Variants in KCNJ1 observed in about 807,000 individuals in gnomAD.
KCNJ1 encodes ATP-sensitive inward rectifier potassium channel 1.
Under a neutral mutation model 21.9 loss-of-function variants are expected in KCNJ1, and 24 were observed. That is an observed-to-expected ratio of 1.10 (90% CI 0.79 to 1.54). The LOEUF (loss-of-function observed/expected upper bound fraction) is 1.54, where lower values mean the gene tolerates loss of function less well. Among genes scored for constraint, KCNJ1 ranks in the 40% most tolerant of loss-of-function variants. The pLI, the probability that KCNJ1 is intolerant of heterozygous loss-of-function variation, is 0.00. For missense variants in KCNJ1, 457 were observed against 455.4 expected, an observed-to-expected ratio of 1.00 and a Z score of -0.03; for synonymous variants, 152 against 160.9, an observed-to-expected ratio of 0.94 and a Z score of 0.42.
chr11:128,846,509 A>T (rs1398124961), intron 2 of KCNJ1, among the ~76,000 whole-genome samples: 3 of 152,172 alleles, frequency 2.0e-5, no homozygotes, highest in African/African-American at 7.2e-5. Flanking sequence ...CGTGAGAGTG[A>T]TGAAGGTTCT....
intron 1 of KCNJ1, among the ~76,000 whole-genome samples, chr11:128,852,747 G>A (rs369076596): frequency 3.9e-5 from 6 of 152,238 alleles, no homozygotes; most frequent in South Asian, 2.1e-4. Flanking sequence ...GACACTGCCC[G>A]GGAGACTTCC....
At chr11:128,852,859 C>T (rs1943501288) in intron 1 of KCNJ1, among the ~76,000 whole-genome samples, 3 of 152,238 alleles carry the variant, frequency 2.0e-5, no homozygotes, top group African/African-American at 7.2e-5. Context: ...TCCCCCTAGA[C>T]CTTAGAGCCA....
intron 1 of KCNJ1, among the ~76,000 whole-genome samples, chr11:128,854,083 T>C (rs1408006473): frequency 7.7e-6 from 1 of 129,836 alleles, no homozygotes; most frequent in Non-Finnish European, 1.6e-5. Flanking sequence ...TCTGCAGGTC[T>C]GAGAACGGTG....
chr11:128,851,500 A>G (rs963693104), intron 1 of KCNJ1, among the ~76,000 whole-genome samples: 1 of 152,190 alleles, frequency 6.6e-6, no homozygotes, highest in African/African-American at 2.4e-5. Context: ...AACTGTTCTT[A>G]AGTCTCATAT....
rs1315545581 is a variant in KCNJ1, at chr11:128,839,471, G to C, written c.773C>G (p.Pro258Arg). Residue 258 changes from proline to arginine, a missense_variant, in exon 3 of 3, where the codon CCT becomes CGT. Transcript: ENST00000392666. ...TIYHVIDHNS[P>R]FFHMAAETLL... is the part of the protein sequence containing the mutation. ...GGTCTCCGCTGCCATGTGGAAGAAA[G>C]GGCTGTTGTGATCAATGACATGGTA... 2 of 1,614,160 alleles carry C rather than the reference G, an allele frequency of 1.2e-6. No homozygotes were observed. Among genetic ancestry groups the C allele is most frequent in the Non-Finnish European group, 1.7e-6 (2 of 1,180,024 alleles).
intron 1 of KCNJ1, among the ~76,000 whole-genome samples, chr11:128,851,732 A>G (rs866914183): frequency 6.6e-6 from 1 of 152,210 alleles, no homozygotes; most frequent in African/African-American, 2.4e-5. Flanking sequence ...GTCTGCAACA[A>G]GAATGTACAC....
chr11:128,852,157 G>C lies in KCNJ1; in HGVS notation c.-191-1267C>G, dbSNP rs866304955. Among the ~76,000 whole-genome samples, 5 of 152,226 alleles carry C rather than the reference G, an allele frequency of 3.3e-5. No individual in the cohort carries two copies. In the South Asian group the frequency reaches 8.3e-4, roughly 25 times the overall value. ...TATCTATCTTACAGATGGATGGAAA[G>C]AGCTTAGACCACACTTGGACATAGA... is the stretch of plus-strand genomic sequence containing the variant. On this transcript the variant is annotated intron_variant, in intron 1 of 2. Transcript: ENST00000392666.
chr11:128,841,654 C>T (rs181417266), intron 2 of KCNJ1, among the ~76,000 whole-genome samples: 41 of 152,234 alleles, frequency 2.7e-4, no homozygotes, highest in Non-Finnish European at 1.3e-4. Context: ...AACTAGGAAG[C>T]GAAACCAACT....
intron 1 of KCNJ1, among the ~76,000 whole-genome samples, chr11:128,857,374 A>G (rs1311321144): frequency 2.0e-5 from 3 of 151,970 alleles, no homozygotes; most frequent in Non-Finnish European, 4.4e-5. Flanking sequence ...GCATTCACTT[A>G]TTGTCGATCT....
chr11:128,858,797 G>T (rs1943641680), intron 1 of KCNJ1, among the ~76,000 whole-genome samples: 2 of 152,216 alleles, frequency 1.3e-5, no homozygotes, highest in Admixed American at 1.3e-4. Flanking sequence ...CAAGTTCACA[G>T]AGCTAGAAGG....
intron 2 of KCNJ1, among the ~76,000 whole-genome samples, chr11:128,848,674 C>G (rs1055704792): frequency 6.6e-6 from 1 of 152,170 alleles, no homozygotes; most frequent in Admixed American, 6.5e-5. Flanking sequence ...TGACAAGGAG[C>G]TGGAGCACCC....
chr11:128,853,496 TGG>T (rs1943515399), intron 1 of KCNJ1, among the ~76,000 whole-genome samples: 1 of 152,132 alleles, frequency 6.6e-6, no homozygotes, highest in Non-Finnish European at 1.5e-5. Context: ...TGCCAGGGGC[TGG>T]GGAAGAGGCG....
chr11:128,852,147 T>C (rs1405605263), intron 1 of KCNJ1, among the ~76,000 whole-genome samples: 5 of 152,364 alleles, frequency 3.3e-5, no homozygotes, highest in Admixed American at 1.3e-4. Context: ...ATCTTACAGA[T>C]GGATGGAAAG....
intron 1 of KCNJ1, among the ~76,000 whole-genome samples, chr11:128,855,606 AC>A (rs1943573847): frequency 2.0e-5 from 3 of 151,354 alleles, no homozygotes; most frequent in Admixed American, 2.0e-4. Flanking sequence ...CTGGGCTTAA[AC>A]GTCACCTCTT....
Position 128,839,432 on chromosome 11 carries a change from T to A in KCNJ1, c.812A>T (p.Asp271Val), listed in dbSNP as rs1323096915. ...HMAAETLLQQ[D>V]FELVVFLDGT... ...ATCTAAAAACACCACTAATTCAAAG[T>A]CCTGCTGGAGAAGGGTCTCCGCTGC... Residue 271 changes from aspartate to valine, a missense_variant, in exon 3 of 3, where the codon GAC (aspartate) becomes GTC (valine). Coordinates refer to ENST00000392666, the MANE Select transcript of KCNJ1 (RefSeq NM_153766.3). 1 of 1,614,124 alleles carries A rather than the reference T, an allele frequency of 6.2e-7. No homozygotes were observed. The highest frequency in any genetic ancestry group is 1.6e-4 in the Middle Eastern group (1 of 6,062).
intron 1 of KCNJ1, among the ~76,000 whole-genome samples, chr11:128,864,074 CTTTTTTTTTT>C (rs71472076): frequency 3.5e-5 from 3 of 86,682 alleles, no homozygotes; most frequent in East Asian, 6.5e-4. Flanking sequence ...CTTTTTCTCT[CTTTTTTTTTT>C]TTTTTTTTTT....
intron 2 of KCNJ1, among the ~76,000 whole-genome samples, chr11:128,849,624 G>A (rs944503822): frequency 6.6e-6 from 1 of 152,176 alleles, no homozygotes; most frequent in Non-Finnish European, 1.5e-5. Context: ...GGCAGAGCCA[G>A]GCAGAGTTTA....
At chr11:128,843,169 C>T (rs575369650) in intron 2 of KCNJ1, among the ~76,000 whole-genome samples, 28 of 152,172 alleles carry the variant, frequency 1.8e-4, no homozygotes, top group Non-Finnish European at 2.1e-4. Flanking sequence ...CATCCACTAA[C>T]CAAAACTGTC....
intron 2 of KCNJ1, among the ~76,000 whole-genome samples, chr11:128,846,872 T>C (rs1943390265): frequency 6.6e-6 from 1 of 152,006 alleles, no homozygotes; most frequent in Non-Finnish European, 1.5e-5. Flanking sequence ...ACACAAGCAA[T>C]CTCACAAATC....
Sources: allele counts gnomAD v4.1 joint callset (sites outside exome capture counted in the v4.1 genomes callset), GRCh38; gene constraint gnomAD v4.1.1; transcripts MANE v1.5; gene names NCBI Gene and HGNC (gene_info 2026-07-23, HGNC 2026-07-21).